The following PGM1 variants were observed in gnomAD, a reference collection of about 807,000 sequenced individuals.
PGM1 encodes phosphoglucomutase 1, also known as phosphoglucomutase-1.
Under a neutral mutation model 55.6 loss-of-function variants are expected in PGM1, and 52 were observed. The observed-to-expected ratio is 0.94, with a 90% CI of 0.75 to 1.18. PGM1 has a LOEUF of 1.18. PGM1 is among the 50% of genes most tolerant of loss of function. The pLI, the probability that PGM1 is intolerant of heterozygous loss-of-function variation, is 0.00. For missense variants in PGM1, 724 were observed against 729.3 expected, an observed-to-expected ratio of 0.99 and a Z score of 0.08; for synonymous variants, 287 against 271.7, an observed-to-expected ratio of 1.06 and a Z score of -0.55.
rs1332270034 is a variant in PGM1, at chr1:63,633,931, TA to T, written c.683-897del. 1.9e-4 allele frequency among the ~76,000 whole-genome samples: 20 copies of T among 103,884 alleles called. 1 individual carries two copies. The highest frequency in any genetic ancestry group is 4.8e-4 in the African/African-American group (9 of 18,608). 68.2% of individuals were successfully genotyped at this position (103,884 alleles called of 152,430 possible). On this transcript the variant is annotated intron_variant, in intron 4 of 10. Transcript: ENST00000371084. ...GTGTGTGTGTGTGTATATATATATA[TA>T]TTTTTTTTTTTTTTTTTTTTTTTTT... is the stretch of plus-strand genomic sequence containing the variant.
chr1:63,639,657 G>A (rs860608), intron 7 of PGM1, among the ~76,000 whole-genome samples: 15,052 of 152,006 alleles, frequency 0.099, 1,849 homozygotes, highest in African/African-American at 0.3. Flanking sequence ...TTAAGTAAAT[G>A]TGCTGATCTT....
At chr1:63,609,046 A>G (rs934523631) in intron 1 of PGM1, among the ~76,000 whole-genome samples, 4 of 152,238 alleles carry the variant, frequency 2.6e-5, no homozygotes, top group African/African-American at 9.6e-5. Context: ...GGATAAGAAG[A>G]TGGGCCTAGG....
chr1:63,626,999 A>G (rs1649035172), intron 1 of PGM1, among the ~76,000 whole-genome samples: 1 of 150,662 alleles, frequency 6.6e-6, no homozygotes, highest in African/African-American at 2.4e-5. Context: ...TGTATGACAA[A>G]TTTCACTTAG....
intron 7 of PGM1, 34 bp downstream of exon 7, chr1:63,638,834 C>T (rs1489390844): frequency 7.2e-7 from 1 of 1,385,766 alleles, no homozygotes; most frequent in East Asian, 2.3e-5. Flanking sequence ...ATTTTCCTCC[C>T]TGTAACCACT....
chr1:63,612,240 A>G (rs528888501), intron 1 of PGM1, among the ~76,000 whole-genome samples: 10 of 148,556 alleles, frequency 6.7e-5, no homozygotes, highest in African/African-American at 2.6e-4. Context: ...CTGGGGAACA[A>G]GAGCGAAACT....
At chr1:63,652,280 G>A (rs540413157) in intron 9 of PGM1, among the ~76,000 whole-genome samples, 2 of 152,288 alleles carry the variant, frequency 1.3e-5, no homozygotes, top group South Asian at 4.2e-4. Flanking sequence ...ATACTTATAC[G>A]TTTCTCTCGT....
At chr1:63,647,746 T>A (rs1649694045) in intron 7 of PGM1, among the ~76,000 whole-genome samples, 1 of 152,190 alleles carries the variant, frequency 6.6e-6, no homozygotes, top group Non-Finnish European at 1.5e-5. Context: ...GCCTCTTGTG[T>A]GCTTGGATCT....
chr1:63,635,008 G>A lies in PGM1; in HGVS notation c.862G>A (p.Asp288Asn). 1 of 1,613,888 alleles carries A rather than the reference G, an allele frequency of 6.2e-7. No homozygotes were observed. Among genetic ancestry groups the A allele is most frequent in the Non-Finnish European group, 8.5e-7 (1 of 1,179,882 alleles). ...SGEHDFGAAF[D>N]GDGDRNMILG... The stretch of plus-strand genomic sequence containing the variant: ...AGAGCATGATTTTGGGGCTGCCTTT[G>A]ATGGAGATGGGGTGGGTATAAGTGC... The change falls in exon 5 of 11, where the codon GAT (aspartate) becomes AAT (asparagine). Residue 288 changes from aspartate to asparagine, a missense_variant. By Grantham distance (23) the Asp-to-Asn change is conservative. Coordinates refer to ENST00000371084, the MANE Select transcript of PGM1 (RefSeq NM_002633.3).
At chr1:63,647,332 C>T (rs1415687069) in intron 7 of PGM1, among the ~76,000 whole-genome samples, 1 of 124,420 alleles carries the variant, frequency 8.0e-6, no homozygotes, top group African/African-American at 2.9e-5. Flanking sequence ...ACCTTAAGTG[C>T]TATCCACTTT....
intron 10 of PGM1, among the ~76,000 whole-genome samples, chr1:63,657,357 A>G (rs1393667490): frequency 3.3e-5 from 5 of 151,626 alleles, no homozygotes; most frequent in Admixed American, 3.3e-4. Context: ...CAAATGGCAG[A>G]GTAATACCTA....
intron 1 of PGM1, among the ~76,000 whole-genome samples, chr1:63,612,914 A>C (rs1211937625): frequency 6.6e-6 from 1 of 152,038 alleles, no homozygotes; most frequent in Non-Finnish European, 1.5e-5. Context: ...CCTGCCTGAA[A>C]ACTCGCCTCC....
chr1:63,648,933 C>T (rs1649730881), intron 8 of PGM1, among the ~76,000 whole-genome samples: 1 of 152,126 alleles, frequency 6.6e-6, no homozygotes, highest in Non-Finnish European at 1.5e-5. Flanking sequence ...ATGATCATAA[C>T]ATTGGATTTG....
chr1:63,608,868 G>A (rs141321456), intron 1 of PGM1, among the ~76,000 whole-genome samples: 27 of 152,346 alleles, frequency 1.8e-4, no homozygotes, highest in Non-Finnish European at 2.9e-4. Context: ...ATTCGAAAGA[G>A]TAATCGTAAT....
At chr1:63,598,880 G>A (rs1344774737) in intron 1 of PGM1, among the ~76,000 whole-genome samples, 1 of 152,160 alleles carries the variant, frequency 6.6e-6, no homozygotes, top group East Asian at 1.9e-4. Context: ...CAAACTAGTG[G>A]GACTTTGCAA....
At chr1:63,599,759 C>G (rs1014850252) in intron 1 of PGM1, among the ~76,000 whole-genome samples, 2 of 152,062 alleles carry the variant, frequency 1.3e-5, no homozygotes, top group Non-Finnish European at 2.9e-5. Context: ...CCACTGCACT[C>G]CAGCCTTGGC....
Position 63,593,472 on chromosome 1 carries a change from G to A in PGM1, c.-17G>A, listed in dbSNP as rs756875667. On this transcript the variant is annotated 5_prime_UTR_variant, in exon 1 of 11. Coordinates refer to ENST00000371084, the MANE Select transcript of PGM1 (RefSeq NM_002633.3). ...AGCCAAGTCCGCCGCTCTGACCCCC[G>A]GCAGCAAGTCGCCACCATGGTGAAG... The A allele has an allele frequency of 1.2e-6, 2 of 1,613,274 alleles. No homozygotes were observed. Among genetic ancestry groups the A allele is most frequent in the Non-Finnish European group, 1.7e-6 (2 of 1,179,850 alleles).
At chr1:63,630,640 T>C (rs1359334430) in intron 3 of PGM1, among the ~76,000 whole-genome samples, 2 of 152,214 alleles carry the variant, frequency 1.3e-5, no homozygotes, top group African/African-American at 4.8e-5. Context: ...AATCAGACTA[T>C]TTTGGGGGGA....
At chr1:63,646,578 G>A (rs1276139642) in intron 7 of PGM1, among the ~76,000 whole-genome samples, 1 of 152,036 alleles carries the variant, frequency 6.6e-6, no homozygotes, top group African/African-American at 2.4e-5. Context: ...CAATTTGAAG[G>A]CTTTGATCCT....
At chr1:63,639,394 T>C (rs1406025906) in intron 7 of PGM1, among the ~76,000 whole-genome samples, 3 of 152,012 alleles carry the variant, frequency 2.0e-5, no homozygotes, top group African/African-American at 7.2e-5. Context: ...CATAGTATTC[T>C]CAGGGGATGA....
Sources: allele counts gnomAD v4.1 joint callset (sites outside exome capture counted in the v4.1 genomes callset), GRCh38; gene constraint gnomAD v4.1.1; transcripts MANE v1.5; gene names NCBI Gene and HGNC (gene_info 2026-07-23, HGNC 2026-07-21).